The following ZNF626 variants were observed in gnomAD, a reference collection of about 807,000 sequenced individuals.
The protein encoded by ZNF626 is CTC-513N18.7.
Under a neutral mutation model 11.7 loss-of-function variants are expected in ZNF626, and 4 were observed. The ratio of observed to expected loss-of-function variants is 0.34; its 90% CI spans 0.17 to 0.78. The LOEUF (loss-of-function observed/expected upper bound fraction) is 0.78. Ranked by LOEUF, ZNF626 falls within the 30% of genes least tolerant of loss-of-function variation. ZNF626 has a pLI of 0.57. For synonymous variants in ZNF626, 179 were observed against 198.6 expected (o/e 0.90, Z 0.83); for missense variants, 588 against 587.1 (o/e 1.00, Z -0.01).
intron 3 of ZNF626, among the ~76,000 whole-genome samples, chr19:20,630,450 T>C (rs548440590): frequency 6.6e-6 from 1 of 152,372 alleles, no homozygotes; most frequent in East Asian, 1.9e-4. Context: ...ATTGCCTCAA[T>C]TTCAGCTCCT....
At chr19:20,651,511 C>T (rs1970146039) in intron 1 of ZNF626, among the ~76,000 whole-genome samples, 1 of 152,090 alleles carries the variant, frequency 6.6e-6, no homozygotes, top group Admixed American at 6.6e-5. Context: ...ACTGGAGAAA[C>T]TCTCATCTGG....
In ZNF626 at chr19:20,646,313, C is replaced by T. The variant is rs139476512; in HGVS notation, c.96G>A (p.Val32=). The T allele has an allele frequency of 1.7e-4, 276 of 1,614,092 alleles. 1 individual carries two copies. The highest frequency in any genetic ancestry group is 2.2e-4 in the Non-Finnish European group (258 of 1,179,998). ...DTAQRNLYRN[V]MLENYSNLVF... The stretch of plus-strand genomic sequence containing the variant: ...CCAGGTTACTGTAGTTCTCTAACAT[C>T]ACATTCCTATATAAATTCCGCTGTG... The change falls in exon 2 of 4, where the codon GTG becomes GTA. Residue 32 remains valine, a synonymous_variant. Transcript: ENST00000601440.
chr19:20,652,399 C>T (rs953847483), intron 1 of ZNF626, among the ~76,000 whole-genome samples: 21 of 149,802 alleles, frequency 1.4e-4, no homozygotes, highest in African/African-American at 4.7e-4. Context: ...ATTAAAGTTG[C>T]CTGGAATCTA....
intron 3 of ZNF626, among the ~76,000 whole-genome samples, chr19:20,633,643 C>T (rs983788301): frequency 1.4e-4 from 22 of 152,132 alleles, no homozygotes; most frequent in African/African-American, 4.6e-4. Context: ...GTTGGAAAAG[C>T]GCAGTATTAG....
intron 3 of ZNF626, among the ~76,000 whole-genome samples, chr19:20,629,732 A>C (rs1450838164): frequency 6.6e-6 from 1 of 152,164 alleles, no homozygotes; most frequent in Non-Finnish European, 1.5e-5. Flanking sequence ...AAACAGGGAC[A>C]ATTTGACTTC....
chr19:20,628,350 A>G (rs553781207), intron 3 of ZNF626, among the ~76,000 whole-genome samples: 170 of 151,820 alleles, frequency 1.1e-3, no homozygotes, highest in Middle Eastern at 3.4e-3. Flanking sequence ...CTGAGGAATC[A>G]CCACACTGAC....
intron 3 of ZNF626, among the ~76,000 whole-genome samples, chr19:20,627,735 G>C (rs1370876218): frequency 1.3e-5 from 2 of 152,078 alleles, no homozygotes; most frequent in African/African-American, 2.4e-5. Context: ...AAAAAAGACT[G>C]AAAGTGGCAA....
At chr19:20,651,720 G>A (rs1970148159) in intron 1 of ZNF626, among the ~76,000 whole-genome samples, 1 of 152,190 alleles carries the variant, frequency 6.6e-6, no homozygotes, top group Non-Finnish European at 1.5e-5. Flanking sequence ...CCAATGATAA[G>A]CCAGGCTAGA....
At chr19:20,627,050 C>T (rs1969843833) in intron 3 of ZNF626, among the ~76,000 whole-genome samples, 1 of 151,090 alleles carries the variant, frequency 6.6e-6, no homozygotes, top group Non-Finnish European at 1.5e-5. Context: ...ATTTGAATAA[C>T]ATTAGGTAAG....
chr19:20,655,184 C>G (rs1275182191), intron 1 of ZNF626, among the ~76,000 whole-genome samples: 1 of 152,110 alleles, frequency 6.6e-6, no homozygotes, highest in Non-Finnish European at 1.5e-5. Flanking sequence ...GCTAATTGCT[C>G]TGAAATAATA....
Position 20,625,795 on chromosome 19 carries a change from A to G in ZNF626, c.227-145T>C, listed in dbSNP as rs782516683. The G allele has an allele frequency of 1.1e-4, 96 of 907,944 alleles. 1 individual carries two copies. In the African/African-American group the frequency reaches 1.3e-3, roughly 12 times the overall value. The allele number at this position is 907,944 out of a possible 1,614,324, so 56.2% of individuals were successfully genotyped here. Reference sequence around the variant, plus strand: ...CACAAGCTGTAATTTCTTCCTGGACATATGAATTTAACAAAAACATACTGA... The same window carrying G: ...CACAAGCTGTAATTTCTTCCTGGACGTATGAATTTAACAAAAACATACTGA... On this transcript the variant is annotated intron_variant, in intron 3 of 3. Coordinates refer to ENST00000601440, the MANE Select transcript of ZNF626 (RefSeq NM_001076675.3).
intron 3 of ZNF626, among the ~76,000 whole-genome samples, chr19:20,636,709 T>TG (rs1196939699): frequency 6.6e-6 from 1 of 152,168 alleles, no homozygotes; most frequent in Non-Finnish European, 1.5e-5. Context: ...TCATCACCAT[T>TG]GGCACAGTCC....
At chr19:20,638,320 G>C (rs1423118554) in intron 3 of ZNF626, among the ~76,000 whole-genome samples, 1 of 151,888 alleles carries the variant, frequency 6.6e-6, no homozygotes, top group Admixed American at 6.6e-5. Flanking sequence ...AGCTACTCTG[G>C]AGGCTGAGGC....
intron 3 of ZNF626, among the ~76,000 whole-genome samples, chr19:20,643,611 AGTAAGATGAAAATAATAAAAG>A (rs1192918836): frequency 1.3e-5 from 2 of 152,194 alleles, no homozygotes; most frequent in Non-Finnish European, 2.9e-5. Context: ...GAGTGACATC[AGTAAGATGAAAATAATAAAAG>A]TGCTCTATTT....
At chr19:20,644,352 G>T (rs547624934) in intron 3 of ZNF626, among the ~76,000 whole-genome samples, 2 of 152,168 alleles carry the variant, frequency 1.3e-5, no homozygotes, top group Admixed American at 6.6e-5. Flanking sequence ...GCAAAGTCCC[G>T]AAGGATATGC....
At chr19:20,645,442 A>G in intron 3 of ZNF626, 1 of 1,611,808 alleles carries the variant, frequency 6.2e-7, no homozygotes, top group Non-Finnish European at 8.5e-7. Context: ...AACTTGAAGG[A>G]AGCTCACTGA....
chr19:20,626,239 A>C (rs1347787504), intron 3 of ZNF626, among the ~76,000 whole-genome samples: 1 of 152,072 alleles, frequency 6.6e-6, no homozygotes, highest in Non-Finnish European at 1.5e-5. Flanking sequence ...AGTTAAGACA[A>C]TTGATTTCAG....
At chr19:20,630,910 T>C (rs1168089571) in intron 3 of ZNF626, among the ~76,000 whole-genome samples, 131 of 152,018 alleles carry the variant, frequency 8.6e-4, no homozygotes, top group African/African-American at 3.1e-3. Flanking sequence ...TGTGGGCATT[T>C]AGTGCTATAA....
At chr19:20,646,810 T>C (rs1005400420) in intron 1 of ZNF626, among the ~76,000 whole-genome samples, 1 of 152,180 alleles carries the variant, frequency 6.6e-6, no homozygotes, top group Admixed American at 6.5e-5. Flanking sequence ...GCAGGTTTTT[T>C]TTCCCCCAGA....
Sources: allele counts gnomAD v4.1 joint callset (sites outside exome capture counted in the v4.1 genomes callset), GRCh38; gene constraint gnomAD v4.1.1; transcripts MANE v1.5; gene names NCBI Gene and HGNC (gene_info 2026-07-23, HGNC 2026-07-21).